The following PTPRS variants were observed in gnomAD, a reference collection of about 807,000 sequenced individuals.
PTPRS encodes protein tyrosine phosphatase receptor type S, also known as receptor-type tyrosine-protein phosphatase S.
PTPRS carries 63 observed loss-of-function variants against 215.3 expected under a neutral mutation model. The observed-to-expected ratio is 0.29, with a 90% CI of 0.24 to 0.36. The LOEUF (loss-of-function observed/expected upper bound fraction) is 0.36. Ranked by LOEUF, PTPRS falls within the 10% of genes least tolerant of loss-of-function variation. The pLI is 1.00. For missense variants in PTPRS, 2,258 were observed against 2,825.8 expected (o/e 0.80, Z 4.56); for synonymous variants, 1,404 against 1,191.4 (o/e 1.18, Z -3.68).
At chr19:5,240,983 G>C (rs2043993719) in intron 11 of PTPRS, among the ~76,000 whole-genome samples, 1 of 145,518 alleles carries the variant, frequency 6.9e-6, no homozygotes, top group African/African-American at 2.5e-5. Context: ...TCCGCCTCCA[G>C]GGTTCAAGTG....
intron 12 of PTPRS, 118 bp from the exon 13 acceptor site, chr19:5,239,181 G>GAC (rs1555771239): frequency 7.1e-6 from 5 of 705,580 alleles, no homozygotes; most frequent in East Asian, 6.3e-5. Flanking sequence ...GAGAGAGAGA[G>GAC]AGAGAGACAG....
At chr19:5,242,189 G>C (rs2044097040) in intron 11 of PTPRS, among the ~76,000 whole-genome samples, 1 of 118,622 alleles carries the variant, frequency 8.4e-6, no homozygotes, top group Admixed American at 7.6e-5. Context: ...GAGAACAGAT[G>C]AGGGAGGTTC....
At chr19:5,302,323 C>A (rs2049326954) in intron 1 of PTPRS, among the ~76,000 whole-genome samples, 1 of 152,142 alleles carries the variant, frequency 6.6e-6, no homozygotes, top group East Asian at 1.9e-4. Context: ...TAAGATCCCG[C>A]CACTAAACAC....
intron 3 of PTPRS, 134 bp downstream of exon 3, chr19:5,274,065 G>T: frequency 7.9e-7 from 1 of 1,270,376 alleles, no homozygotes. Context: ...TGGAGGCTGC[G>T]CAGCCATGCT....
intron 30 of PTPRS, among the ~76,000 whole-genome samples, chr19:5,212,820 G>A (rs2041038407): frequency 6.8e-6 from 1 of 147,790 alleles, no homozygotes; most frequent in Non-Finnish European, 1.5e-5. Context: ...TCCAGCCTGG[G>A]TGACAGAGTG....
chr19:5,312,822 C>T (rs1470802996), intron 1 of PTPRS, among the ~76,000 whole-genome samples: 1 of 152,192 alleles, frequency 6.6e-6, no homozygotes, highest in Non-Finnish European at 1.5e-5. Context: ...AACTGAGCAT[C>T]GGAGAGGTCA....
At chr19:5,260,751 T>G (rs998703678) in intron 7 of PTPRS, 54 bp downstream of exon 7, 10 of 1,607,212 alleles carry the variant, frequency 6.2e-6, no homozygotes, top group Non-Finnish European at 7.7e-6. Context: ...CCTGAGGGGC[T>G]GAGTGGGCAG....
chr19:5,273,214 T>C (rs1024600777), intron 4 of PTPRS: 10 of 584,864 alleles, frequency 1.7e-5, no homozygotes, highest in Non-Finnish European at 2.4e-5. Context: ...GATTATAAAT[T>C]AGGATGATTC....
At chr19:5,267,022 T>C (rs1262236413) in intron 4 of PTPRS, among the ~76,000 whole-genome samples, 2 of 152,064 alleles carry the variant, frequency 1.3e-5, no homozygotes, top group African/African-American at 2.4e-5. Flanking sequence ...ACAGCATCCG[T>C]AGCACCCAGC....
intron 20 of PTPRS, 40 bp from the exon 21 acceptor site, chr19:5,220,393 G>A (rs753937794): frequency 2.6e-6 from 4 of 1,541,418 alleles, no homozygotes; most frequent in Non-Finnish European, 3.6e-6. Flanking sequence ...GCTGTCGATA[G>A]GGATGACCAA....
intron 6 of PTPRS, among the ~76,000 whole-genome samples, chr19:5,261,606 T>A (rs1461945951): frequency 6.6e-6 from 1 of 152,038 alleles, no homozygotes; most frequent in Admixed American, 6.5e-5. Flanking sequence ...GCCAAGAAGA[T>A]CCCAAGACCT....
chr19:5,324,584 G>A (rs79924223), intron 1 of PTPRS, among the ~76,000 whole-genome samples: 4 of 152,170 alleles, frequency 2.6e-5, no homozygotes, highest in Non-Finnish European at 5.9e-5. Context: ...TGGGTTAAAG[G>A]GGGGAGGCCC....
At chr19:5,309,162 G>T (rs2049607831) in intron 1 of PTPRS, among the ~76,000 whole-genome samples, 1 of 151,812 alleles carries the variant, frequency 6.6e-6, no homozygotes, top group African/African-American at 2.4e-5. Context: ...GGAAGGGGGG[G>T]TTGGCTGGCT....
chr19:5,210,719 G>A lies in PTPRS; in HGVS notation c.5321C>T (p.Thr1774Met), dbSNP rs753489907. ...CAGCTTGGTCAGCATCACCACGATC[G>A]TCGAATTGTTCTCCCACAGCATGCG... ...FWRMLWENNS[T>M]IVVMLTKLRE... Residue 1774 changes from threonine (T) to methionine (M), a missense_variant, in exon 34 of 38, where the codon ACG (threonine) becomes ATG (methionine). This residue lies in a region of PTPRS where 927 missense variants were observed against 1,125.9 expected (regional missense o/e 0.82). Coordinates refer to ENST00000262963, the MANE Select transcript of PTPRS (RefSeq NM_002850.4). This position sits in a 1 kb window ranked among gnomAD's most constrained non-coding sequence, Gnocchi z 4.5. The A allele has an allele frequency of 8.1e-6, 13 of 1,614,172 alleles. No individual in the cohort carries two copies. The highest frequency in any genetic ancestry group is 1.7e-5 in the Admixed American group (1 of 60,024).
intron 26 of PTPRS, 69 bp from the exon 27 acceptor site, chr19:5,215,664 G>A (rs1167345047): frequency 1.8e-6 from 2 of 1,086,222 alleles, no homozygotes; most frequent in East Asian, 2.5e-5. Flanking sequence ...GGGGGAGGGG[G>A]GTGATCTACG....
intron 17 of PTPRS, among the ~76,000 whole-genome samples, chr19:5,223,623 C>T (rs574133927): frequency 6.6e-6 from 1 of 150,648 alleles, no homozygotes; most frequent in South Asian, 2.1e-4. Flanking sequence ...AGTGCAGTAG[C>T]CCCATCTCGG....
chr19:5,234,407 C>T (rs2043264973), intron 13 of PTPRS, among the ~76,000 whole-genome samples: 1 of 152,178 alleles, frequency 6.6e-6, no homozygotes, highest in Non-Finnish European at 1.5e-5. Context: ...CTTCATAGCT[C>T]ATATTGAGCA....
rs2046301912 is a variant in PTPRS, at chr19:5,265,004, T to C, written c.568+4A>G. On this transcript the variant is annotated splice_donor_region_variant and intron_variant, in intron 5 of 37. Coordinates refer to ENST00000262963, the MANE Select transcript of PTPRS (RefSeq NM_002850.4). Reference sequence around the variant, plus strand: ...CCCACGTCCTGTCAGCCACCCTCACTCACCTGATCGCAGCTGTTTGATGCG... The same window carrying C: ...CCCACGTCCTGTCAGCCACCCTCACCCACCTGATCGCAGCTGTTTGATGCG... 2 of 1,613,576 alleles carry C rather than the reference T, an allele frequency of 1.2e-6. No individual in the cohort carries two copies. The highest frequency in any genetic ancestry group is 1.3e-5 in the African/African-American group (1 of 74,904).
In PTPRS at chr19:5,229,365, G is replaced by A. The variant is rs1301346263; in HGVS notation, c.2350-23C>T. On this transcript the variant is annotated intron_variant, in intron 15 of 37. Coordinates refer to ENST00000262963, the MANE Select transcript of PTPRS (RefSeq NM_002850.4). Reference sequence around the variant, plus strand: ...CCACTGAGCGCGGGAGGAGGCGGCAGGGGAGAGAGGAGGAAGGTGAGCGGG... The same window carrying A: ...CCACTGAGCGCGGGAGGAGGCGGCAAGGGAGAGAGGAGGAAGGTGAGCGGG... 7 of 1,375,116 alleles carry A rather than the reference G, an allele frequency of 5.1e-6. No individual in the cohort carries two copies. The African/African-American group carries it at 9.0e-5, about 18-fold the overall frequency. The allele number at this position is 1,375,116 out of a possible 1,614,324, so 85.2% of individuals were successfully genotyped here.
Sources: allele counts gnomAD v4.1 joint callset (sites outside exome capture counted in the v4.1 genomes callset), GRCh38; gene constraint gnomAD v4.1.1; regional missense constraint gnomAD v4.1.1; non-coding constraint Gnocchi (gnomAD v3.1); transcripts MANE v1.5; gene names NCBI Gene and HGNC (gene_info 2026-07-23, HGNC 2026-07-21).